TRDN: variants seen among roughly 807,000 people sequenced by gnomAD.
TRDN encodes triadin in skeletal muscle.
In TRDN, 161 loss-of-function variants were observed where a neutral mutation model predicts 149.7. The observed-to-expected ratio is 1.08, with a 90% confidence interval of 0.95 to 1.23. The LOEUF is 1.23. Ranked by LOEUF, TRDN falls within the 50% of genes most tolerant of loss-of-function variation. TRDN has a pLI of 0.00. For synonymous variants in TRDN, 294 were observed against 250.5 expected (o/e 1.17, Z -1.64); for missense variants, 896 against 823.5 (o/e 1.09, Z -1.08).
chr6:123,480,902 A>G (rs189768032), intron 9 of TRDN, among the ~76,000 whole-genome samples: 37 of 152,238 alleles, frequency 2.4e-4, no homozygotes, highest in Non-Finnish European at 4.4e-4. Flanking sequence ...GACAGAGAGC[A>G]GCTGGCATAG....
intron 38 of TRDN, among the ~76,000 whole-genome samples, chr6:123,228,957 T>C (rs1184837758): frequency 1.3e-5 from 2 of 151,914 alleles, no homozygotes; most frequent in Non-Finnish European, 2.9e-5. Context: ...TAGTTGTCTT[T>C]GAAAATAAAG....
chr6:123,420,783 C>CT (rs1364048339), intron 12 of TRDN, among the ~76,000 whole-genome samples: 2 of 152,168 alleles, frequency 1.3e-5, no homozygotes, highest in African/African-American at 2.4e-5. Flanking sequence ...AATGGACTCA[C>CT]TTTTTTTTCT....
chr6:123,301,013 G>A (rs575113057), intron 24 of TRDN, among the ~76,000 whole-genome samples: 2 of 151,908 alleles, frequency 1.3e-5, no homozygotes, highest in South Asian at 2.1e-4. Context: ...TGTGTGCCAG[G>A]AACTGTTCCT....
chr6:123,488,232 T>A (rs936434196), intron 9 of TRDN, among the ~76,000 whole-genome samples: 7 of 152,302 alleles, frequency 4.6e-5, no homozygotes, highest in East Asian at 1.9e-4. Context: ...CATTGCACTA[T>A]ATAGATGTCA....
rs1488336045 is a variant in TRDN, at chr6:123,366,184, T to C, written c.1274-2A>G. 1.2e-6 allele frequency: 2 copies of C among 1,612,944 alleles called. No individual in the cohort carries two copies. Among genetic ancestry groups the C allele is most frequent in the South Asian group, 2.2e-5 (2 of 91,006 alleles). On this transcript the variant is annotated splice_acceptor_variant, in intron 19 of 40. Coordinates refer to ENST00000334268, the MANE Select transcript of TRDN (RefSeq NM_006073.4). LOFTEE classifies it high-confidence loss of function. ...TCTCCTCTTTGGCTCGTTCAGTTTC[T>C]GCAAGTTCAGATATTAAAGGAATGA... is the stretch of plus-strand genomic sequence containing the variant.
At chr6:123,396,841 CTG>C (rs1386842158) in intron 12 of TRDN, among the ~76,000 whole-genome samples, 13 of 152,290 alleles carry the variant, frequency 8.5e-5, no homozygotes, top group African/African-American at 2.9e-4. Flanking sequence ...TTCTAGGACA[CTG>C]TTTATATTTT....
At chr6:123,625,108 C>T (rs972743347) in intron 1 of TRDN, among the ~76,000 whole-genome samples, 4 of 149,752 alleles carry the variant, frequency 2.7e-5, no homozygotes, top group Non-Finnish European at 4.4e-5. Flanking sequence ...CAAATGTACT[C>T]TTGATCTCCT....
chr6:123,535,784 G>A (rs1583205165), intron 4 of TRDN, among the ~76,000 whole-genome samples: 1 of 152,134 alleles, frequency 6.6e-6, no homozygotes, highest in African/African-American at 2.4e-5. Flanking sequence ...CCGATGATCT[G>A]TAAAGAATTA....
intron 8 of TRDN, among the ~76,000 whole-genome samples, chr6:123,501,160 T>C (rs760860061): frequency 2.9e-4 from 44 of 152,126 alleles, no homozygotes; most frequent in Non-Finnish European, 5.7e-4. Flanking sequence ...AGATGTATTA[T>C]TTCCATATAC....
At chr6:123,240,054 G>C (rs2114541861) in intron 38 of TRDN, among the ~76,000 whole-genome samples, 1 of 152,038 alleles carries the variant, frequency 6.6e-6, no homozygotes, top group East Asian at 1.9e-4. Context: ...CACACACACA[G>C]AGATGAGAGA....
chr6:123,579,199 G>C (rs1029731001), intron 1 of TRDN, among the ~76,000 whole-genome samples: 5 of 152,152 alleles, frequency 3.3e-5, no homozygotes, highest in African/African-American at 7.2e-5. Flanking sequence ...TGGTAGGAGA[G>C]AGCATCATTT....
chr6:123,511,781 T>C (rs568688745), intron 7 of TRDN, among the ~76,000 whole-genome samples: 1 of 151,680 alleles, frequency 6.6e-6, no homozygotes, highest in Admixed American at 6.6e-5. Flanking sequence ...GAGGAAAGAA[T>C]TGGCTTTAAT....
At chr6:123,616,361 T>C (rs964304587) in intron 1 of TRDN, among the ~76,000 whole-genome samples, 1 of 151,536 alleles carries the variant, frequency 6.6e-6, no homozygotes, top group Non-Finnish European at 1.5e-5. Context: ...TAATATACGT[T>C]ATACTTTACA....
intron 12 of TRDN, among the ~76,000 whole-genome samples, chr6:123,399,404 A>G (rs1055744053): frequency 6.6e-6 from 1 of 152,236 alleles, no homozygotes; most frequent in African/African-American, 2.4e-5. Context: ...AATGATTAGC[A>G]GAAGAAACTT....
At chr6:123,481,970 C>T (rs1777769591) in intron 9 of TRDN, among the ~76,000 whole-genome samples, 1 of 152,164 alleles carries the variant, frequency 6.6e-6, no homozygotes, top group Non-Finnish European at 1.5e-5. Flanking sequence ...ACTTTTTAAT[C>T]ACTCTGTTAA....
intron 24 of TRDN, among the ~76,000 whole-genome samples, chr6:123,314,941 T>C (rs1013352759): frequency 5.3e-5 from 8 of 151,970 alleles, no homozygotes; most frequent in African/African-American, 1.7e-4. Flanking sequence ...ACAAACCCCA[T>C]GACACATCTT....
At chr6:123,616,167 A>T (rs2114695469) in intron 1 of TRDN, among the ~76,000 whole-genome samples, 1 of 152,222 alleles carries the variant, frequency 6.6e-6, no homozygotes, top group South Asian at 2.1e-4. Context: ...CCTTGGCAAC[A>T]CAGTAAGATC....
At chr6:123,330,043 G>C (rs934910907) in intron 23 of TRDN, among the ~76,000 whole-genome samples, 8 of 151,894 alleles carry the variant, frequency 5.3e-5, no homozygotes, top group Non-Finnish European at 1.2e-4. Context: ...CCAACCACCT[G>C]GTATGGGATT....
chr6:123,419,102 T>C (rs1340410443), intron 12 of TRDN, among the ~76,000 whole-genome samples: 1 of 151,892 alleles, frequency 6.6e-6, no homozygotes, highest in Non-Finnish European at 1.5e-5. Context: ...CCAGTTTCTC[T>C]GAAAGAAGCA....
Sources: allele counts gnomAD v4.1 joint callset (sites outside exome capture counted in the v4.1 genomes callset), GRCh38; gene constraint gnomAD v4.1.1; transcripts MANE v1.5; gene names NCBI Gene and HGNC (gene_info 2026-07-23, HGNC 2026-07-21).